SNTG1: variants seen among roughly 807,000 people sequenced by gnomAD.
The protein encoded by SNTG1 is gamma-1-syntrophin.
SNTG1 carries 39 observed loss-of-function variants against 74.7 expected under a neutral mutation model. The ratio of observed to expected loss-of-function variants is 0.52; its 90% CI spans 0.40 to 0.68. The LOEUF is 0.68. SNTG1 is among the 30% of genes least tolerant of loss of function. SNTG1 has a pLI of 0.00. For synonymous variants in SNTG1, 254 were observed against 217.1 expected (o/e 1.17, Z -1.49); for missense variants, 685 against 609.5 (o/e 1.12, Z -1.30).
At chr8:50,757,175 G>A (rs2095582593) in intron 18 of SNTG1, among the ~76,000 whole-genome samples, 1 of 151,718 alleles carries the variant, frequency 6.6e-6, no homozygotes, top group Admixed American at 6.6e-5. Flanking sequence ...ACGCATGAGT[G>A]TCGGATGAGT....
intron 1 of SNTG1, among the ~76,000 whole-genome samples, chr8:50,006,240 C>T (rs774837914): frequency 3.9e-5 from 6 of 152,086 alleles, no homozygotes; most frequent in African/African-American, 9.7e-5. Context: ...GGATTACAGG[C>T]GTGAGCCACC....
intron 8 of SNTG1, among the ~76,000 whole-genome samples, chr8:50,461,184 TG>T (rs2093558492): frequency 6.6e-6 from 1 of 151,112 alleles, no homozygotes; most frequent in African/African-American, 2.4e-5. Flanking sequence ...TGTGTGTGTG[TG>T]TGTGTGTGTG....
At chr8:49,912,968 G>A (rs1474793217) in intron 1 of SNTG1, among the ~76,000 whole-genome samples, 1 of 152,192 alleles carries the variant, frequency 6.6e-6, no homozygotes, top group East Asian at 1.9e-4. Flanking sequence ...GGACCAGTAG[G>A]TTCCCGAAAA....
At position 50,305,524 on chromosome 8, in the gene SNTG1, A is replaced by ATGTGTG. The variant is rs5891361; in HGVS notation, c.-27-88662_-27-88657dup. ...GTGGATGTTTGGTTTGTTTGTGCTT[A>ATGTGTG]TGTGTGTGTGTGTGTGTGTGTGTGT... On this transcript the variant is annotated intron_variant, in intron 2 of 18. Coordinates refer to ENST00000642720, the MANE Select transcript of SNTG1 (RefSeq NM_018967.5). Among the ~76,000 whole-genome samples the ATGTGTG allele has an allele frequency of 2.9e-3, 419 of 146,100 alleles. 3 individuals carry two copies. Among genetic ancestry groups the ATGTGTG allele is most frequent in the Middle Eastern group, 0.011 (3 of 280 alleles).
intron 3 of SNTG1, among the ~76,000 whole-genome samples, chr8:50,401,794 G>A (rs1463151271): frequency 3.3e-5 from 5 of 152,048 alleles, no homozygotes; most frequent in Admixed American, 3.3e-4. Context: ...TACAGTGATG[G>A]TTGCACACCA....
At chr8:50,635,320 G>C (rs547870898) in intron 13 of SNTG1, among the ~76,000 whole-genome samples, 1 of 152,048 alleles carries the variant, frequency 6.6e-6, no homozygotes, top group Non-Finnish European at 1.5e-5. Context: ...CAAGGCCCTA[G>C]CACTCTACAA....
chr8:50,496,025 G>A (rs947033253), intron 8 of SNTG1, among the ~76,000 whole-genome samples: 1 of 152,124 alleles, frequency 6.6e-6, no homozygotes, highest in African/African-American at 2.4e-5. Flanking sequence ...TCCACGTATA[G>A]TCAGTATTTT....
intron 2 of SNTG1, among the ~76,000 whole-genome samples, chr8:50,305,747 A>T (rs754563761): frequency 6.6e-6 from 1 of 152,070 alleles, no homozygotes; most frequent in Non-Finnish European, 1.5e-5. Context: ...ATTACTCATA[A>T]TAAAGTTTAA....
chr8:50,595,196 T>C (rs186880695), intron 13 of SNTG1, among the ~76,000 whole-genome samples: 2 of 152,204 alleles, frequency 1.3e-5, no homozygotes, highest in Non-Finnish European at 2.9e-5. Flanking sequence ...TAAAAACACA[T>C]TATAGAGTCA....
intron 12 of SNTG1, among the ~76,000 whole-genome samples, chr8:50,589,211 A>G (rs1361659748): frequency 6.6e-6 from 1 of 152,212 alleles, no homozygotes; most frequent in African/African-American, 2.4e-5. Flanking sequence ...TTCACATATC[A>G]GTTAATAAGT....
intron 2 of SNTG1, among the ~76,000 whole-genome samples, chr8:50,265,559 G>C (rs2087422081): frequency 6.6e-6 from 1 of 151,974 alleles, no homozygotes; most frequent in African/African-American, 2.4e-5. Context: ...GTAAGTTCTG[G>C]AGCAAGAAAA....
chr8:50,700,515 A>C (rs967081266), intron 15 of SNTG1, among the ~76,000 whole-genome samples: 1 of 152,124 alleles, frequency 6.6e-6, no homozygotes, highest in African/African-American at 2.4e-5. Flanking sequence ...CTTAGAGTCT[A>C]TGCTGCCCCC....
Position 50,282,607 on chromosome 8 carries a change from CAA to C in SNTG1, c.-28+109980_-28+109981del, listed in dbSNP as rs60061285. 4.6e-5 allele frequency among the ~76,000 whole-genome samples: 7 copies of C among 151,564 alleles called. No homozygotes were observed. The East Asian group carries it at 1.2e-3, about 25-fold the overall frequency. On this transcript the variant is annotated intron_variant, in intron 2 of 18. Coordinates refer to ENST00000642720, the MANE Select transcript of SNTG1 (RefSeq NM_018967.5). ...GTCTGCCCCGTCCCTACTGAAAATACAAAAAAAAATTAGTCAGGCATGGTGGC... is the reference window on the plus strand; with the variant it reads ...GTCTGCCCCGTCCCTACTGAAAATACAAAAAAATTAGTCAGGCATGGTGGC...
intron 1 of SNTG1, among the ~76,000 whole-genome samples, chr8:50,020,825 G>A (rs1816752706): frequency 1.3e-5 from 2 of 152,142 alleles, no homozygotes; most frequent in African/African-American, 2.4e-5. Flanking sequence ...AGGACAAAAA[G>A]GCATTATTTA....
intron 13 of SNTG1, among the ~76,000 whole-genome samples, chr8:50,604,468 T>C (rs2094798048): frequency 6.6e-6 from 1 of 152,092 alleles, no homozygotes; most frequent in South Asian, 2.1e-4. Flanking sequence ...TGGTGTTCTA[T>C]TCTGCATGGC....
chr8:50,204,448 C>T (rs1315972507), intron 2 of SNTG1, among the ~76,000 whole-genome samples: 1 of 151,118 alleles, frequency 6.6e-6, no homozygotes, highest in Non-Finnish European at 1.5e-5. Context: ...TTTGTCTGGA[C>T]TAGATATCTT....
chr8:50,499,487 G>A (rs61695572), intron 8 of SNTG1, among the ~76,000 whole-genome samples: 7,161 of 150,668 alleles, frequency 0.048, 301 homozygotes, highest in African/African-American at 0.11. Context: ...GCAGATAGAG[G>A]CTTTTATTCC....
At chr8:50,633,108 C>A (rs754069306) in intron 13 of SNTG1, among the ~76,000 whole-genome samples, 4 of 152,164 alleles carry the variant, frequency 2.6e-5, no homozygotes, top group Admixed American at 6.5e-5. Context: ...ATATATTGAT[C>A]AAATTGTTCC....
chr8:50,034,620 AGG>A (rs1191558210), intron 1 of SNTG1, among the ~76,000 whole-genome samples: 1 of 152,164 alleles, frequency 6.6e-6, no homozygotes, highest in African/African-American at 2.4e-5. Context: ...GTCTAGTGCA[AGG>A]GTGTCCAATA....
Sources: gnomAD v4.1 joint callset for allele counts (sites outside exome capture counted in the v4.1 genomes callset) on GRCh38, gnomAD v4.1.1 for gene constraint, MANE v1.5 for transcripts, NCBI Gene and HGNC (gene_info 2026-07-23, HGNC 2026-07-21) for gene names.